Variants in C2CD2L observed in about 807,000 individuals in gnomAD.
C2CD2L encodes phospholipid transfer protein C2CD2L.
A neutral mutation model predicts 69.9 loss-of-function variants in C2CD2L; 24 were observed. That is an observed-to-expected ratio of 0.34 (90% confidence interval 0.25 to 0.48). The LOEUF is 0.48. Ranked by LOEUF, C2CD2L falls within the 20% of genes least tolerant of loss-of-function variation. The pLI is 0.99. For synonymous variants in C2CD2L, 367 were observed against 391.0 expected (o/e 0.94, Z 0.72); for missense variants, 811 against 941.5 (o/e 0.86, Z 1.81).
At position 119,114,421 on chromosome 11, in the gene C2CD2L, C is replaced by T. The variant is rs780515298; in HGVS notation, c.1909+56C>T. On this transcript the variant is annotated intron_variant, in intron 13 of 13. Transcript: ENST00000648610. The surrounding 1 kb of genome is among the most constrained non-coding windows in gnomAD (Gnocchi z 5.1). ...CTCTTCTTTTATACACATATCATGACCTGGGGGACCTCGAGCCAGTGTGCC... is the reference window on the plus strand; with the variant it reads ...CTCTTCTTTTATACACATATCATGATCTGGGGGACCTCGAGCCAGTGTGCC... 1 of 1,548,202 alleles carries T rather than the reference C, an allele frequency of 6.5e-7. No homozygotes were observed. Among genetic ancestry groups the T allele is most frequent in the Non-Finnish European group, 8.8e-7 (1 of 1,132,538 alleles).
intron 10 of C2CD2L, 30 bp from the exon 11 acceptor site, chr11:119,113,581 C>T: frequency 6.3e-7 from 1 of 1,599,670 alleles, no homozygotes; most frequent in Non-Finnish European, 8.5e-7. Flanking sequence ...GAAGCAACTC[C>T]CAGCTCACTG....
chr11:119,114,160 G>T lies in C2CD2L; in HGVS notation c.1704G>T (p.Gly568=). ...SLEASVQDDA[G]TSGGPSSPPS... is the part of the protein sequence containing the mutation. Reference sequence around the variant, plus strand: ...AAGCCTCAGTGCAGGATGATGCAGGGACCAGCGGAGGCCCCTCTTCACCTC... The same window carrying T: ...AAGCCTCAGTGCAGGATGATGCAGGTACCAGCGGAGGCCCCTCTTCACCTC... Residue 568 remains glycine, a synonymous_variant, in exon 13 of 14, where the codon GGG becomes GGT. Coordinates refer to ENST00000648610, the MANE Select transcript of C2CD2L (RefSeq NM_001290474.2). The surrounding 1 kb of genome is among the most constrained non-coding windows in gnomAD (Gnocchi z 5.1). 1 of 1,614,102 alleles carries T rather than the reference G, an allele frequency of 6.2e-7. No homozygotes were observed. Among genetic ancestry groups the T allele is most frequent in the South Asian group, 1.1e-5 (1 of 91,086 alleles).
rs1565774852 is a variant in C2CD2L, at chr11:119,111,621, C to G, written c.1011C>G (p.Asp337Glu). The change falls in exon 7 of 14, where the codon GAC (aspartate) becomes GAG (glutamate). Residue 337 changes from aspartate (D) to glutamate (E), a missense_variant. By Grantham distance (45) the Asp-to-Glu change is conservative. Coordinates refer to ENST00000648610, the MANE Select transcript of C2CD2L (RefSeq NM_001290474.2). ...GATCCGAGGTGGAGTGGACAGAAGACCTGGCACTGTAAGGAGTAACCCTGC... is the reference window on the plus strand; with the variant it reads ...GATCCGAGGTGGAGTGGACAGAAGAGCTGGCACTGTAAGGAGTAACCCTGC... ...RAGSEVEWTE[D>E]LALDLGPQSR... 5.0e-6 allele frequency: 8 copies of G among 1,611,684 alleles called. No individual in the cohort carries two copies. The highest frequency in any genetic ancestry group is 6.8e-6 in the Non-Finnish European group (8 of 1,178,400).
chr11:119,108,278 G>A, intron 1 of C2CD2L, 183 bp downstream of exon 1: 1 of 521,948 alleles, frequency 1.9e-6, no homozygotes, highest in Non-Finnish European at 3.3e-6. Flanking sequence ...ATCCAACTGG[G>A]TCCCCAGACT....
chr11:119,111,910 T>C (rs1946753201), intron 7 of C2CD2L: 1 of 455,758 alleles, frequency 2.2e-6, no homozygotes, highest in East Asian at 4.0e-5. Flanking sequence ...AGTGCCTAGG[T>C]GGGGGGGAGA....
At position 119,107,679 on chromosome 11, in the gene C2CD2L, C is replaced by A; in HGVS notation, c.-63C>A. 1 of 1,103,652 alleles carries A rather than the reference C, an allele frequency of 9.1e-7. No individual in the cohort carries two copies. Among genetic ancestry groups the A allele is most frequent in the Non-Finnish European group, 1.2e-6 (1 of 836,574 alleles). The allele number at this position is 1,103,652 out of a possible 1,614,324, so 68.4% of individuals were successfully genotyped here. A position where few individuals can be genotyped will look rare whatever the true frequency, so the allele number is the denominator to read the frequency against. On this transcript the variant is annotated 5_prime_UTR_variant, in exon 1 of 14. Transcript: ENST00000648610. The surrounding 1 kb of genome is among the most constrained non-coding windows in gnomAD (Gnocchi z 5.4). The stretch of plus-strand genomic sequence containing the variant: ...ACCTCCTCCCCGCGGCCCGCCCGGG[C>A]CATGCTCCCCCGGGGCAGCGGGTGA...
chr11:119,104,802 T>A (rs1170495868), upstream of C2CD2L, among the ~76,000 whole-genome samples: 2 of 152,328 alleles, frequency 1.3e-5, no homozygotes, highest in Middle Eastern at 3.4e-3. Context: ...CCCAAAAATG[T>A]TTCATAGTGC....
chr11:119,102,995 C>T (rs1592231608), upstream of C2CD2L, among the ~76,000 whole-genome samples: 1 of 151,512 alleles, frequency 6.6e-6, no homozygotes, highest in Non-Finnish European at 1.5e-5. Flanking sequence ...GCCTCAGCCT[C>T]CCGAGTAGCT....
chr11:119,117,863 G>T lies in C2CD2L; in HGVS notation c.*1607G>T, dbSNP rs189153626. Reference sequence around the variant, plus strand: ...TTGAGCAGGCAACTTCTCCTTTGGGGACCTCAGTTTCCTCATATCTAAAAT... The same window carrying T: ...TTGAGCAGGCAACTTCTCCTTTGGGTACCTCAGTTTCCTCATATCTAAAAT... On this transcript the variant is annotated 3_prime_UTR_variant, in exon 14 of 14. Coordinates refer to ENST00000648610, the MANE Select transcript of C2CD2L (RefSeq NM_001290474.2). 8.7e-4 allele frequency: 132 copies of T among 152,238 alleles called. No homozygotes were observed. Among genetic ancestry groups the T allele is most frequent in the African/African-American group, 3.2e-3 (131 of 41,532 alleles). The allele number at this position is 152,238 out of a possible 1,614,324, so 9.4% of individuals were successfully genotyped here.
In C2CD2L at chr11:119,109,419, T is replaced by C. The variant is rs193193802; in HGVS notation, c.355-685T>C. Among the ~76,000 whole-genome samples the C allele has an allele frequency of 6.6e-6, 1 of 152,358 alleles. No homozygotes were observed. Among genetic ancestry groups the C allele is most frequent in the Non-Finnish European group, 1.5e-5 (1 of 68,032 alleles). On this transcript the variant is annotated intron_variant, in intron 1 of 13. Coordinates refer to ENST00000648610, the MANE Select transcript of C2CD2L (RefSeq NM_001290474.2). The surrounding 1 kb of genome is among the most constrained non-coding windows in gnomAD (Gnocchi z 5.1). ...CTCTTTTGAGATCTAAGCAGCTTTC[T>C]GCTCTCTAATACCGTCCTGCTATCT...
At chr11:119,113,524 C>T (rs754883230) in intron 10 of C2CD2L, 87 bp from the exon 11 acceptor site, 419 of 1,503,028 alleles carry the variant, frequency 2.8e-4, no homozygotes, top group Non-Finnish European at 3.4e-4. Flanking sequence ...CTCTGAGTCA[C>T]CCAAAGTCTG....
chr11:119,103,659 T>A (rs949242481), upstream of C2CD2L, among the ~76,000 whole-genome samples: 2 of 148,074 alleles, frequency 1.4e-5, no homozygotes, highest in African/African-American at 5.0e-5. Flanking sequence ...ATCATGCCAC[T>A]GCATCCCAGC....
chr11:119,116,319 C>G lies in C2CD2L; in HGVS notation c.*63C>G. The G allele has an allele frequency of 4.5e-6, 6 of 1,320,892 alleles. No homozygotes were observed. The highest frequency in any genetic ancestry group is 6.5e-6 in the Non-Finnish European group (6 of 924,562). The allele number at this position is 1,320,892 out of a possible 1,614,324, so 81.8% of individuals were successfully genotyped here. ...ATTCCCCACCTCCCCTTCCATACCC[C>G]TTCCTGGATCTCCAGTGCCTGGGCC... On this transcript the variant is annotated 3_prime_UTR_variant, in exon 14 of 14. Transcript: ENST00000648610.
chr11:119,102,409 C>G (rs757021476), upstream of C2CD2L: 8 of 452,948 alleles, frequency 1.8e-5, no homozygotes, highest in Middle Eastern at 3.4e-4. Flanking sequence ...AACAAAGCTA[C>G]GATTTGGAAG....
chr11:119,111,986 T>C (rs905064182), intron 7 of C2CD2L: 3 of 439,216 alleles, frequency 6.8e-6, no homozygotes, highest in African/African-American at 6.0e-5. Flanking sequence ...TAAACCACAC[T>C]TTAGAGCAAG....
At chr11:119,106,370 A>G (rs1173673527), upstream of C2CD2L, among the ~76,000 whole-genome samples, 1 of 152,220 alleles carries the variant, frequency 6.6e-6, no homozygotes, top group Admixed American at 6.5e-5. Flanking sequence ...ATGTATGAAG[A>G]AGGGGCTCTT....
upstream of C2CD2L, chr11:119,102,452 A>G: frequency 2.6e-6 from 1 of 391,916 alleles, no homozygotes; most frequent in Non-Finnish European, 5.4e-6. Context: ...AGATCCTTGA[A>G]AAGCCCCTCC....
At position 119,116,247 on chromosome 11, in the gene C2CD2L, C is replaced by G. The variant is rs1412599602; in HGVS notation, c.2112C>G (p.Pro704=). The G allele has an allele frequency of 6.2e-7, 1 of 1,613,684 alleles. No homozygotes were observed. The highest frequency in any genetic ancestry group is 1.7e-5 in the Admixed American group (1 of 60,006). ...SKPKANGNPS[P]QL is the part of the protein sequence containing the mutation. ...CCAAGGCCAATGGTAACCCCAGCCC[C>G]CAGCTCTGAGGACCCAGCTCTGAAA... The change falls in exon 14 of 14, where the codon CCC becomes CCG. Residue 704 remains proline, a synonymous_variant. Transcript: ENST00000648610.
At chr11:119,115,987 C>G (rs768719618) in intron 13 of C2CD2L, 58 bp from the exon 14 acceptor site, 3 of 1,406,220 alleles carry the variant, frequency 2.1e-6, no homozygotes, top group Non-Finnish European at 3.0e-6. Context: ...GTGTCTCTGC[C>G]CCCGTCTCAC....
Sources: gnomAD v4.1 joint callset for allele counts (sites outside exome capture counted in the v4.1 genomes callset) on GRCh38, gnomAD v4.1.1 for gene constraint, Gnocchi (gnomAD v3.1) non-coding constraint, MANE v1.5 for transcripts, NCBI Gene and HGNC (gene_info 2026-07-23, HGNC 2026-07-21) for gene names.